DDX11: variants seen among roughly 807,000 people sequenced by gnomAD.
DDX11 encodes the protein DEAD/H-box helicase 11, also known as ATP-dependent DNA helicase DDX11.
A neutral mutation model predicts 125.2 loss-of-function variants in DDX11; 72 were observed. The ratio of observed to expected loss-of-function variants is 0.58; its 90% CI spans 0.48 to 0.70. The LOEUF is 0.70. Ranked by LOEUF, DDX11 falls within the 30% of genes least tolerant of loss-of-function variation. The pLI is 0.00. For synonymous variants in DDX11, 347 were observed against 452.6 expected (o/e 0.77, Z 2.96); for missense variants, 883 against 1,165.0 (o/e 0.76, Z 3.52).
At chr12:31,098,702 C>CT (rs1427045491) in intron 18 of DDX11, among the ~76,000 whole-genome samples, 3 of 152,228 alleles carry the variant, frequency 2.0e-5, no homozygotes, top group Admixed American at 6.5e-5. Context: ...CCAGCCCCAG[C>CT]TGCCTTAGCT....
chr12:31,099,080 C>CTGTTTTTTTTTTTTTTTTTTTTTTTTTT (rs1945871557), intron 18 of DDX11, among the ~76,000 whole-genome samples: 1 of 81,328 alleles, frequency 1.2e-5, no homozygotes, highest in African/African-American at 6.3e-5. Context: ...TTCTTTCTTT[C>CTGTTTTTTTTTTTTTTTTTTTTTTTTTT]TTTCTTTTTT....
At chr12:31,084,827 A>C (rs1942762915) in intron 4 of DDX11, 142 bp from the exon 5 acceptor site, 1 of 1,067,918 alleles carries the variant, frequency 9.4e-7, no homozygotes, top group African/African-American at 1.6e-5. Context: ...TGAGGCGTGG[A>C]TCCTAGGAGT....
At chr12:31,090,516 T>C (rs1243923984) in intron 9 of DDX11, among the ~76,000 whole-genome samples, 1 of 151,840 alleles carries the variant, frequency 6.6e-6, no homozygotes, top group Non-Finnish European at 1.5e-5. Flanking sequence ...GTAATATCAG[T>C]ACTCTTAACT....
At chr12:31,089,301 C>T (rs748527105) in intron 7 of DDX11, 102 bp from the exon 8 acceptor site, 1 of 1,452,148 alleles carries the variant, frequency 6.9e-7, no homozygotes, top group Non-Finnish European at 9.6e-7. Flanking sequence ...CGGCCCAGCA[C>T]TGGAAGGCAA....
Position 31,076,289 on chromosome 12 carries a change from C to T in DDX11, c.-4-2101C>T, listed in dbSNP as rs990008857. On this transcript the variant is annotated intron_variant, in intron 1 of 26. Coordinates refer to ENST00000542838, the MANE Select transcript of DDX11 (RefSeq NM_030653.4). ...GAGGGAGTGAGATTGTGGCTGTATC[C>T]GGCACCTGGCTGAGCAGGAGAGTGA... Among the ~76,000 whole-genome samples the T allele has an allele frequency of 4.6e-5, 7 of 152,126 alleles. 1 individual carries two copies. The highest frequency in any genetic ancestry group is 1.3e-4 in the Admixed American group (2 of 15,278).
intron 18 of DDX11, 189 bp from the exon 19 acceptor site, chr12:31,100,446 T>C (rs1253758103): frequency 1.8e-6 from 1 of 556,966 alleles, no homozygotes; most frequent in Non-Finnish European, 3.3e-6. Flanking sequence ...CTGCACATAG[T>C]TTAAACGAGA....
chr12:31,103,017 C>T lies in DDX11; in HGVS notation c.2454C>T (p.Thr818=). The T allele has an allele frequency of 6.2e-7, 1 of 1,613,640 alleles. No homozygotes were observed. Among genetic ancestry groups the T allele is most frequent in the Non-Finnish European group, 8.5e-7 (1 of 1,179,566 alleles). The change falls in exon 24 of 27, where the codon ACC becomes ACT. Residue 818 remains threonine (T), a synonymous_variant. Coordinates refer to ENST00000542838, the MANE Select transcript of DDX11 (RefSeq NM_030653.4). ...LQEKMAYLDQ[T]LPRAPGQAPP... Reference sequence around the variant, plus strand: ...AGAAGATGGCCTACTTGGATCAAACCCTCGTGAGTGACCCCAGTGTCACAG... The same window carrying T: ...AGAAGATGGCCTACTTGGATCAAACTCTCGTGAGTGACCCCAGTGTCACAG...
chr12:31,095,573 G>A (rs1945075854), intron 14 of DDX11, among the ~76,000 whole-genome samples: 1 of 152,012 alleles, frequency 6.6e-6, no homozygotes, highest in Non-Finnish European at 1.5e-5. Flanking sequence ...TACACATTTG[G>A]GTCACTGTCA....
Position 31,090,048 on chromosome 12 carries a change from G to A in DDX11, c.1043G>A (p.Arg348Gln), listed in dbSNP as rs760316691. Residue 348 changes from arginine (R) to glutamine (Q), a missense_variant, in exon 9 of 27, where the codon CGG becomes CAG. Physicochemically the swap from Arg to Gln is conservative, Grantham distance 43. Around this residue, in one of 5 missense-constraint regions of DDX11, gnomAD observed 72 missense variants for 159.7 expected, o/e 0.45. Transcript: ENST00000542838. Reference sequence around the variant, plus strand: ...CTGCTGGCCCTTGGGAAGGAGGCCCGGGCCTGTCCCTATTACGGGAGCCGC... The same window carrying A: ...CTGCTGGCCCTTGGGAAGGAGGCCCAGGCCTGTCCCTATTACGGGAGCCGC... Reference protein sequence around the residue: ...EQLLALGKEARACPYYGSRLA... With the variant: ...EQLLALGKEAQACPYYGSRLA... 32 of 1,551,546 alleles carry A rather than the reference G, an allele frequency of 2.1e-5. No individual in the cohort carries two copies. Among genetic ancestry groups the A allele is most frequent in the Admixed American group, 5.9e-5 (3 of 51,140 alleles).
At chr12:31,092,358 GA>G (rs1407271512) in intron 10 of DDX11, among the ~76,000 whole-genome samples, 1 of 152,190 alleles carries the variant, frequency 6.6e-6, no homozygotes, top group African/African-American at 2.4e-5. Context: ...GAAACTTGGA[GA>G]TTCAAAGATG....
rs757456390 is a variant in DDX11, at chr12:31,101,019, C to G, written c.1949-8C>G. ...TCCAGTTTTCGGCCCCTCCCTGGCT[C>G]TTACCAGGTCACGTGATCCCTCCAG... is the stretch of plus-strand genomic sequence containing the variant. On this transcript the variant is annotated splice_region_variant and splice_polypyrimidine_tract_variant and intron_variant, in intron 19 of 26. Coordinates refer to ENST00000542838, the MANE Select transcript of DDX11 (RefSeq NM_030653.4). 3 of 1,612,046 alleles carry G rather than the reference C, an allele frequency of 1.9e-6. No homozygotes were observed. The highest frequency in any genetic ancestry group is 2.5e-6 in the Non-Finnish European group (3 of 1,178,188).
At position 31,094,739 on chromosome 12, in the gene DDX11, A is replaced by C; in HGVS notation, c.1415-16A>C. 6.2e-7 allele frequency: 1 copy of C among 1,609,524 alleles called. No homozygotes were observed. Reference sequence around the variant, plus strand: ...TAGGGTGAAGCTCCCAAGGCCCTTCATGTGTTTGTTCTCAGGGACGGAGCT... The same window carrying C: ...TAGGGTGAAGCTCCCAAGGCCCTTCCTGTGTTTGTTCTCAGGGACGGAGCT... On this transcript the variant is annotated splice_polypyrimidine_tract_variant and intron_variant, in intron 13 of 26. Transcript: ENST00000542838.
Position 31,099,080 on chromosome 12 carries a change from C to CTTTTTTTTTTTTTTTT in DDX11, c.1875+1086_1875+1087insTTTTTTTTTTTTTTTT, listed in dbSNP as rs1467965765. Among the ~76,000 whole-genome samples the CTTTTTTTTTTTTTTTT allele has an allele frequency of 4.0e-3, 324 of 81,156 alleles. 32 individuals are homozygous for CTTTTTTTTTTTTTTTT. Among genetic ancestry groups the CTTTTTTTTTTTTTTTT allele is most frequent in the African/African-American group, 4.5e-3 (71 of 15,830 alleles). 53.2% of individuals were successfully genotyped at this position (81,156 alleles called of 152,430 possible). ...AATCCATACTGGTATTTCTTTCTTT[C>CTTTTTTTTTTTTTTTT]TTTCTTTTTTTTTTTTTTTTTTTTT... On this transcript the variant is annotated intron_variant, in intron 18 of 26. Transcript: ENST00000542838.
intron 13 of DDX11, 47 bp downstream of exon 13, chr12:31,094,681 C>G: frequency 6.5e-7 from 1 of 1,543,190 alleles, no homozygotes; most frequent in East Asian, 2.4e-5. Context: ...TGAGCCACTT[C>G]CGAGCTTAAC....
chr12:31,084,087 G>A lies in DDX11; in HGVS notation c.393+26G>A, dbSNP rs756205294. 8.1e-6 allele frequency: 13 copies of A among 1,612,496 alleles called. No homozygotes were observed. The African/African-American group carries it at 1.5e-4, about 18-fold the overall frequency. ...GTGAGACCTGGGGTATCCGGAAGTG[G>A]GAGTACTGGAGGAAACAGGGCTTCA... On this transcript the variant is annotated intron_variant, in intron 3 of 26. Coordinates refer to ENST00000542838, the MANE Select transcript of DDX11 (RefSeq NM_030653.4).
intron 5 of DDX11, chr12:31,087,728 T>C (rs768081958): frequency 1.1e-4 from 93 of 819,256 alleles, no homozygotes; most frequent in Non-Finnish European, 1.5e-4. Context: ...TTCTCCTTTT[T>C]ACATTTCCCT....
intron 14 of DDX11, among the ~76,000 whole-genome samples, chr12:31,095,519 TCCTG>T (rs1438313902): frequency 1.3e-5 from 2 of 152,182 alleles, no homozygotes; most frequent in Non-Finnish European, 2.9e-5. Context: ...ATTCTTCCCA[TCCTG>T]CCTGCCTTTT....
intron 2 of DDX11, 152 bp downstream of exon 2, chr12:31,078,689 CTTT>C (rs35973448): frequency 3.1e-3 from 2,624 of 837,484 alleles, no homozygotes; most frequent in Middle Eastern, 5.2e-3. Context: ...CTATTAAAGT[CTTT>C]TTTTTTTTTT....
In DDX11 at chr12:31,102,190, C is replaced by G. The variant is rs1242977486; in HGVS notation, c.2203-53C>G. 5.0e-6 allele frequency: 8 copies of G among 1,593,020 alleles called. No homozygotes were observed. The South Asian group carries it at 7.7e-5, about 15-fold the overall frequency. On this transcript the variant is annotated intron_variant, in intron 21 of 26. Coordinates refer to ENST00000542838, the MANE Select transcript of DDX11 (RefSeq NM_030653.4). ...GAAAACACAAGGCCACGAGCAGACT[C>G]GAGACCTGGCACCCTGAACCTGTCT...
Sources: gnomAD v4.1 joint callset for allele counts (sites outside exome capture counted in the v4.1 genomes callset) on GRCh38, gnomAD v4.1.1 for gene constraint, gnomAD v4.1.1 regional missense constraint, MANE v1.5 for transcripts, NCBI Gene and HGNC (gene_info 2026-07-23, HGNC 2026-07-21) for gene names.